The following AKAP3 variants were observed in gnomAD, a reference collection of about 807,000 sequenced individuals.
The protein encoded by AKAP3 is A-kinase anchor protein 3.
A neutral mutation model predicts 57.2 loss-of-function variants in AKAP3; 27 were observed. The observed-to-expected ratio is 0.47, with a 90% confidence interval of 0.35 to 0.65. The LOEUF (loss-of-function observed/expected upper bound fraction) is 0.65. AKAP3 is among the 30% of genes least tolerant of loss of function. The pLI, the probability that AKAP3 is intolerant of heterozygous loss-of-function variation, is 0.01. For synonymous variants in AKAP3, 334 were observed against 392.3 expected (o/e 0.85, Z 1.76); for missense variants, 959 against 1,040.0 (o/e 0.92, Z 1.07).
At chr12:4,645,236 C>G (rs1016289752) in intron 1 of AKAP3, 44 bp from the exon 2 acceptor site, 1 of 152,162 alleles carries the variant, frequency 6.6e-6, no homozygotes, top group Admixed American at 6.5e-5. Flanking sequence ...ATCACTGTCT[C>G]TATAGCAACA....
Position 4,627,275 on chromosome 12 carries a change from CT to C in AKAP3, c.1626del (p.Gly543GlufsTer24). 6.2e-7 allele frequency: 1 copy of C among 1,613,960 alleles called. No homozygotes were observed. The highest frequency in any genetic ancestry group is 8.5e-7 in the Non-Finnish European group (1 of 1,179,980). ...ACGAAGCTCCGTGCATCCCTTCTTC[CT>C]CCCTGGGCCAGGTGATATTGAATCA... ...LLLIQYHLAQGGRRDARSFVE... is the reference protein window; with the variant it reads ...LLLIQYHLAQXGRRDARSFVE... On this transcript the variant is annotated frameshift_variant, in exon 5 of 6. Coordinates refer to ENST00000228850, the MANE Select transcript of AKAP3 (RefSeq NM_001278309.2). LOFTEE classifies it high-confidence loss of function.
chr12:4,642,619 C>T (rs983727545), intron 2 of AKAP3, among the ~76,000 whole-genome samples: 7 of 152,204 alleles, frequency 4.6e-5, no homozygotes, highest in Non-Finnish European at 5.9e-5. Context: ...CTACCCCATC[C>T]ATGAAATATT....
chr12:4,634,821 T>A (rs1309511893), intron 4 of AKAP3, among the ~76,000 whole-genome samples: 1 of 152,098 alleles, frequency 6.6e-6, no homozygotes, highest in Non-Finnish European at 1.5e-5. Flanking sequence ...ATATGTGGGA[T>A]TATTTTCTTG....
chr12:4,615,916 C>T (rs772100808), intron 5 of AKAP3, 22 bp from the exon 6 acceptor site: 1 of 1,613,858 alleles, frequency 6.2e-7, no homozygotes, highest in Non-Finnish European at 8.5e-7. Context: ...AAGAAAACAC[C>T]AGTGGTGAGG....
intron 4 of AKAP3, chr12:4,635,473 T>C (rs898991711): frequency 2.9e-6 from 2 of 680,526 alleles, no homozygotes; most frequent in Non-Finnish European, 5.4e-6. Context: ...GCCACGAACA[T>C]TTCATTTACA....
intron 5 of AKAP3, among the ~76,000 whole-genome samples, chr12:4,616,440 A>G (rs1945286103): frequency 6.6e-6 from 1 of 152,250 alleles, no homozygotes; most frequent in Non-Finnish European, 1.5e-5. Context: ...CCATTCTAAT[A>G]TAAATACAAC....
intron 5 of AKAP3, among the ~76,000 whole-genome samples, chr12:4,619,127 A>T (rs1945317719): frequency 6.6e-6 from 1 of 152,254 alleles, no homozygotes. Context: ...GCACAATGAG[A>T]TACCACTATA....
chr12:4,628,115 G>T lies in AKAP3; in HGVS notation c.787C>A (p.Arg263=). Residue 263 remains arginine (R), a synonymous_variant, in exon 5 of 6, where the codon CGG becomes AGG. Coordinates refer to ENST00000228850, the MANE Select transcript of AKAP3 (RefSeq NM_001278309.2). ...TGCCCTCGAAACCTCTTTCTCTCCC[G>T]AGGAAAGAACCTTCCACCCTCTCTG... is the stretch of plus-strand genomic sequence containing the variant. ...YAREGGRFFP[R]ERKRFRGQER... is the part of the protein sequence containing the mutation. The T allele has an allele frequency of 6.2e-7, 1 of 1,614,038 alleles. No individual in the cohort carries two copies. Among genetic ancestry groups the T allele is most frequent in the Non-Finnish European group, 8.5e-7 (1 of 1,179,990 alleles).
intron 4 of AKAP3, chr12:4,635,892 A>G: frequency 1.4e-6 from 1 of 704,114 alleles, no homozygotes; most frequent in Non-Finnish European, 2.6e-6. Flanking sequence ...CACCACTCTT[A>G]GATCTCTCCA....
intron 4 of AKAP3, among the ~76,000 whole-genome samples, chr12:4,634,792 T>C (rs1163449613): frequency 6.6e-5 from 10 of 152,026 alleles, no homozygotes; most frequent in African/African-American, 1.2e-4. Context: ...ATTAACGCTC[T>C]TTCCAGCCCC....
chr12:4,635,127 T>C (rs776439276), intron 4 of AKAP3, among the ~76,000 whole-genome samples: 2 of 152,184 alleles, frequency 1.3e-5, no homozygotes, highest in Non-Finnish European at 2.9e-5. Context: ...ATACACACAG[T>C]TCTCATTTTT....
rs1945733315 is a variant in AKAP3, at chr12:4,648,889, G to C, written c.-389C>G. 3.8e-6 allele frequency: 2 copies of C among 524,896 alleles called. No individual in the cohort carries two copies. Among genetic ancestry groups the C allele is most frequent in the East Asian group, 3.2e-5 (1 of 30,998 alleles). The allele number at this position is 524,896 out of a possible 1,614,324, so 32.5% of individuals were successfully genotyped here. A position where few individuals can be genotyped will look rare whatever the true frequency, so the allele number is the denominator to read the frequency against. On this transcript the variant is annotated 5_prime_UTR_variant, in exon 1 of 6. Coordinates refer to ENST00000228850, the MANE Select transcript of AKAP3 (RefSeq NM_001278309.2). ...TGAACTTCAGGTTCCTCGGCAATTAGAGATTATAAATAGCCTATACAGCCT... is the reference window on the plus strand; with the variant it reads ...TGAACTTCAGGTTCCTCGGCAATTACAGATTATAAATAGCCTATACAGCCT...
intron 4 of AKAP3, among the ~76,000 whole-genome samples, chr12:4,634,227 T>C (rs1233402360): frequency 6.6e-6 from 1 of 152,168 alleles, no homozygotes; most frequent in East Asian, 1.9e-4. Flanking sequence ...GGCTACAAGA[T>C]TGTTACTAAC....
intron 1 of AKAP3, among the ~76,000 whole-genome samples, chr12:4,647,177 G>A (rs1304977832): frequency 1.3e-5 from 2 of 152,148 alleles, no homozygotes; most frequent in Non-Finnish European, 2.9e-5. Context: ...TATTTGAATA[G>A]TACTGCATGG....
intron 4 of AKAP3, among the ~76,000 whole-genome samples, chr12:4,629,497 A>G (rs1945470802): frequency 6.6e-6 from 1 of 152,176 alleles, no homozygotes; most frequent in South Asian, 2.1e-4. Flanking sequence ...GGTAGGGAGG[A>G]GGGAGAGGAC....
Position 4,626,567 on chromosome 12 carries a change from ATTGAAGGACGGC to A in AKAP3, c.2323_2334del (p.Ala775_Gln778del). ...ACATTGAGCTCAGAGGCAGCTACCCATTGAAGGACGGCTTGGAGTTGCTTGTTCTGAACTGTG... is the reference window on the plus strand; with the variant it reads ...ACATTGAGCTCAGAGGCAGCTACCCATTGGAGTTGCTTGTTCTGAACTGTG... On this transcript the variant is annotated inframe_deletion, in exon 5 of 6. Transcript: ENST00000228850. The A allele has an allele frequency of 6.2e-7, 1 of 1,614,180 alleles. No homozygotes were observed. The highest frequency in any genetic ancestry group is 8.5e-7 in the Non-Finnish European group (1 of 1,180,006).
chr12:4,628,518 A>G lies in AKAP3; in HGVS notation c.384T>C (p.Ala128=). 1 of 1,614,196 alleles carries G rather than the reference A, an allele frequency of 6.2e-7. No homozygotes were observed. Among genetic ancestry groups the G allele is most frequent in the Non-Finnish European group, 8.5e-7 (1 of 1,180,008 alleles). Residue 128 remains alanine, a synonymous_variant, in exon 5 of 6, where the codon GCT becomes GCC. Coordinates refer to ENST00000228850, the MANE Select transcript of AKAP3 (RefSeq NM_001278309.2). ...GSSVDEVSFY[A]NRLTNLVIAM... ...CTATGACTAGATTCGTGAGGCGGTT[A>G]GCATAGAAGGAAACTTCATCTACTG...
rs1458993909 is a variant in AKAP3 at position 4,627,586 on chromosome 12, T to C, written c.1316A>G (p.Lys439Arg). 6.2e-7 allele frequency: 1 copy of C among 1,614,142 alleles called. No individual in the cohort carries two copies. Among genetic ancestry groups the C allele is most frequent in the Admixed American group, 1.7e-5 (1 of 60,020 alleles). The part of the protein sequence containing the change: ...KLREKMYSEP[K>R]SEEETCAKTL... ...TTTCGCACAAGTCTCCTCCTCTGATTTGGGTTCAGAATACATTTTTTCTCT... is the reference window on the plus strand; with the variant it reads ...TTTCGCACAAGTCTCCTCCTCTGATCTGGGTTCAGAATACATTTTTTCTCT... The change falls in exon 5 of 6, where the codon AAA becomes AGA. Residue 439 changes from lysine (K) to arginine (R), a missense_variant. Physicochemically the swap from Lys to Arg is conservative, Grantham distance 26. Coordinates refer to ENST00000228850, the MANE Select transcript of AKAP3 (RefSeq NM_001278309.2).
intron 3 of AKAP3, among the ~76,000 whole-genome samples, chr12:4,640,879 A>C (rs1039870972): frequency 5.3e-5 from 8 of 152,118 alleles, no homozygotes; most frequent in African/African-American, 9.7e-5. Flanking sequence ...TGGGTTGGGG[A>C]AACTTAGGCA....
Sources: allele counts gnomAD v4.1 joint callset (sites outside exome capture counted in the v4.1 genomes callset), GRCh38; gene constraint gnomAD v4.1.1; transcripts MANE v1.5; gene names NCBI Gene and HGNC (gene_info 2026-07-23, HGNC 2026-07-21).